FRYL: variants seen among roughly 807,000 people sequenced by gnomAD.
The protein encoded by FRYL is protein furry homolog-like.
In FRYL, 150 loss-of-function variants were observed where a neutral mutation model predicts 351.2. That is an observed-to-expected ratio of 0.43 (90% CI 0.37 to 0.49). The LOEUF is 0.49. Among genes scored for constraint, FRYL ranks in the 20% least tolerant of loss-of-function variants. The pLI, the probability that FRYL is intolerant of heterozygous loss-of-function variation, is 0.00. For missense variants in FRYL, 3,036 were observed against 3,619.3 expected (o/e 0.84, Z 4.13); for synonymous variants, 1,153 against 1,257.1 (o/e 0.92, Z 1.75).
At chr4:48,601,758 A>G (rs1158563149) in intron 13 of FRYL, among the ~76,000 whole-genome samples, 1 of 152,188 alleles carries the variant, frequency 6.6e-6, no homozygotes, top group Non-Finnish European at 1.5e-5. Flanking sequence ...CCTAGATTTA[A>G]GATAATATAA....
intron 28 of FRYL, among the ~76,000 whole-genome samples, chr4:48,566,691 A>G (rs1165665310): frequency 6.6e-6 from 1 of 152,230 alleles, no homozygotes; most frequent in Non-Finnish European, 1.5e-5. Flanking sequence ...AGAAACACTT[A>G]TAGTGTATGC....
chr4:48,755,241 C>T (rs1313136510), intron 1 of FRYL, among the ~76,000 whole-genome samples: 1 of 152,192 alleles, frequency 6.6e-6, no homozygotes, highest in Non-Finnish European at 1.5e-5. Context: ...TCCAGCTCCA[C>T]ACTAAGTTAT....
chr4:48,756,375 C>T (rs1435524493), intron 1 of FRYL, among the ~76,000 whole-genome samples: 3 of 152,142 alleles, frequency 2.0e-5, no homozygotes, highest in Non-Finnish European at 4.4e-5. Flanking sequence ...ATCACTCTCA[C>T]AACACTGTCA....
At chr4:48,608,599 A>G (rs1578328234) in intron 9 of FRYL, among the ~76,000 whole-genome samples, 2 of 152,224 alleles carry the variant, frequency 1.3e-5, no homozygotes, top group Non-Finnish European at 2.9e-5. Context: ...ATTAAAACAA[A>G]TATGATTAGA....
chr4:48,625,735 G>T (rs1171275159), intron 4 of FRYL, among the ~76,000 whole-genome samples: 2 of 152,054 alleles, frequency 1.3e-5, no homozygotes, highest in Admixed American at 1.3e-4. Flanking sequence ...GATACCAAAG[G>T]ACAACTGTAT....
At chr4:48,534,501 T>C in intron 49 of FRYL, 44 bp downstream of exon 49, 12 of 1,466,964 alleles carry the variant, frequency 8.2e-6, no homozygotes, top group Non-Finnish European at 1.1e-5. Flanking sequence ...TTATAAATCA[T>C]TTTTAGATGA....
intron 45 of FRYL, among the ~76,000 whole-genome samples, 170 bp downstream of exon 45, chr4:48,541,857 T>C (rs149647906): frequency 9.4e-4 from 143 of 152,304 alleles, no homozygotes; most frequent in Non-Finnish European, 1.7e-3. Flanking sequence ...AAATCAGCAC[T>C]TGGATTTTTC....
intron 55 of FRYL, chr4:48,520,784 C>G (rs1276412976): frequency 3.3e-6 from 1 of 301,006 alleles, no homozygotes; most frequent in Non-Finnish European, 6.1e-6. Flanking sequence ...CCCAGAGAAG[C>G]GTCTGTACAT....
chr4:48,671,842 GA>G (rs1452954256), intron 3 of FRYL, among the ~76,000 whole-genome samples: 1 of 103,594 alleles, frequency 9.7e-6, no homozygotes, highest in Non-Finnish European at 1.8e-5. Flanking sequence ...GAGAGAGAGA[GA>G]CTCCGTCTCA....
At chr4:48,592,528 A>G (rs561974815) in intron 16 of FRYL, among the ~76,000 whole-genome samples, 2 of 152,190 alleles carry the variant, frequency 1.3e-5, no homozygotes, top group Non-Finnish European at 2.9e-5. Flanking sequence ...TCAGGAAGAA[A>G]AAAACTTACT....
chr4:48,618,984 C>A, intron 7 of FRYL: 2 of 264,540 alleles, frequency 7.6e-6, no homozygotes, highest in South Asian at 9.9e-5. Context: ...GAATGGCAGG[C>A]AAACTACATT....
Position 48,499,227 on chromosome 4 carries a change from T to C in FRYL, c.*195A>G. On this transcript the variant is annotated 3_prime_UTR_variant, in exon 64 of 64. Transcript: ENST00000358350. ...TTCTTCACGCAGTTATTGTGGGAGATATTGGCAGCTGTTAAAATATCAGAT... is the reference window on the plus strand; with the variant it reads ...TTCTTCACGCAGTTATTGTGGGAGACATTGGCAGCTGTTAAAATATCAGAT... The C allele has an allele frequency of 1.8e-6, 1 of 559,516 alleles. No homozygotes were observed. Among genetic ancestry groups the C allele is most frequent in the Non-Finnish European group, 3.2e-6 (1 of 315,832 alleles). The allele number at this position is 559,516 out of a possible 1,614,324, so 34.7% of individuals were successfully genotyped here.
intron 1 of FRYL, among the ~76,000 whole-genome samples, chr4:48,779,830 G>A (rs1322663420): frequency 1.3e-5 from 2 of 151,134 alleles, no homozygotes; most frequent in African/African-American, 2.4e-5. Context: ...GCTCGGGCGG[G>A]CTTTCGGTTG....
intron 3 of FRYL, among the ~76,000 whole-genome samples, chr4:48,636,186 A>G (rs1754193186): frequency 6.6e-6 from 1 of 152,134 alleles, no homozygotes; most frequent in Non-Finnish European, 1.5e-5. Flanking sequence ...CTGTTTGTTT[A>G]CTCTGTTTCA....
intron 23 of FRYL, among the ~76,000 whole-genome samples, chr4:48,577,022 C>T (rs1170186057): frequency 3.3e-5 from 5 of 152,036 alleles, no homozygotes; most frequent in African/African-American, 1.2e-4. Context: ...TTTTGATTAA[C>T]TATATGCTAT....
intron 53 of FRYL, among the ~76,000 whole-genome samples, chr4:48,524,468 G>T (rs1288283766): frequency 2.0e-5 from 3 of 152,122 alleles, no homozygotes; most frequent in Non-Finnish European, 2.9e-5. Context: ...GTGAGTGAAT[G>T]AATATGCACT....
At chr4:48,624,483 C>A (rs1338158962) in intron 4 of FRYL, among the ~76,000 whole-genome samples, 1 of 152,146 alleles carries the variant, frequency 6.6e-6, no homozygotes, top group Non-Finnish European at 1.5e-5. Flanking sequence ...AGGGGTCAGT[C>A]TAGATCACTG....
chr4:48,655,942 C>A (rs559919612), intron 3 of FRYL, among the ~76,000 whole-genome samples: 2 of 136,488 alleles, frequency 1.5e-5, no homozygotes, highest in Admixed American at 7.6e-5. Flanking sequence ...ACATTATATG[C>A]GTAATTATAT....
At chr4:48,723,265 C>T (rs1338541906) in intron 1 of FRYL, among the ~76,000 whole-genome samples, 1 of 152,092 alleles carries the variant, frequency 6.6e-6, no homozygotes, top group Admixed American at 6.6e-5. Flanking sequence ...ACCTTAGCCT[C>T]CTGAGTAGCT....
Sources: gnomAD v4.1 joint callset for allele counts (sites outside exome capture counted in the v4.1 genomes callset) on GRCh38, gnomAD v4.1.1 for gene constraint, MANE v1.5 for transcripts, NCBI Gene and HGNC (gene_info 2026-07-23, HGNC 2026-07-21) for gene names.